The following MAML3 variants were observed in gnomAD, a reference collection of about 807,000 sequenced individuals.
MAML3 encodes the protein mastermind-like protein 3.
Under a neutral mutation model 101.9 loss-of-function variants are expected in MAML3, and 27 were observed. That is an observed-to-expected ratio of 0.27 (90% CI 0.20 to 0.37). MAML3 has a LOEUF of 0.37. MAML3 is among the 10% of genes least tolerant of loss of function. The pLI is 1.00. For synonymous variants in MAML3, 501 were observed against 555.9 expected, an observed-to-expected ratio of 0.90 and a Z score of 1.39; for missense variants, 1,316 against 1,444.9, an observed-to-expected ratio of 0.91 and a Z score of 1.45.
At chr4:139,860,718 A>G (rs912726725) in intron 2 of MAML3, among the ~76,000 whole-genome samples, 4 of 152,140 alleles carry the variant, frequency 2.6e-5, no homozygotes, top group Non-Finnish European at 5.9e-5. Context: ...GGATAAAGCT[A>G]TGTATACATA....
intron 2 of MAML3, among the ~76,000 whole-genome samples, chr4:139,814,212 A>T (rs190831888): frequency 6.6e-6 from 1 of 152,300 alleles, no homozygotes; most frequent in East Asian, 1.9e-4. Flanking sequence ...TAATCAAGAG[A>T]TAACTGCAGA....
intron 2 of MAML3, among the ~76,000 whole-genome samples, chr4:139,851,938 G>C (rs558898848): frequency 1.3e-5 from 2 of 152,146 alleles, no homozygotes; most frequent in Non-Finnish European, 2.9e-5. Flanking sequence ...AAGTTTGTAC[G>C]TGGTCTCTCT....
At chr4:140,083,967 C>CAGAG (rs72201205) in intron 1 of MAML3, among the ~76,000 whole-genome samples, 1 of 81,270 alleles carries the variant, frequency 1.2e-5, no homozygotes, top group African/African-American at 4.3e-5. Context: ...CACACACACA[C>CAGAG]AGAGAGAGAG....
intron 2 of MAML3, among the ~76,000 whole-genome samples, chr4:139,855,083 C>T (rs906009406): frequency 2.9e-4 from 44 of 152,208 alleles, no homozygotes; most frequent in African/African-American, 7.2e-4. Flanking sequence ...TCTGCATCTT[C>T]GGCTCCATCT....
chr4:139,940,357 A>G (rs142039458), intron 1 of MAML3, among the ~76,000 whole-genome samples: 2 of 152,174 alleles, frequency 1.3e-5, no homozygotes, highest in African/African-American at 4.8e-5. Context: ...ACACTATGTA[A>G]AGATTTAATA....
intron 1 of MAML3, among the ~76,000 whole-genome samples, chr4:140,017,902 T>A (rs80226518): frequency 0.019 from 2,900 of 152,098 alleles, 90 homozygotes; most frequent in African/African-American, 0.066. Flanking sequence ...TATAGTTTTT[T>A]AAAATATTAC....
chr4:139,829,519 G>A (rs1731125677), intron 2 of MAML3, among the ~76,000 whole-genome samples: 1 of 152,190 alleles, frequency 6.6e-6, no homozygotes, highest in South Asian at 2.1e-4. Flanking sequence ...ACATACCAAG[G>A]GGTCTGGATT....
In MAML3 at chr4:139,967,476, AC is replaced by A. The variant is rs1273116307; in HGVS notation, c.469-76510del. 9.9e-5 allele frequency among the ~76,000 whole-genome samples: 7 copies of A among 70,572 alleles called. No homozygotes were observed. In the East Asian group the frequency reaches 1.9e-3, roughly 19 times the overall value. The allele number at this position is 70,572 out of a possible 152,430, so 46.3% of individuals were successfully genotyped here. On this transcript the variant is annotated intron_variant, in intron 1 of 4. Transcript: ENST00000509479. ...TTAGTTTTCTTTTTAAGGGACACAC[AC>A]ACACACACACACACACACACACACA...
intron 1 of MAML3, among the ~76,000 whole-genome samples, chr4:139,934,464 C>A (rs1269615914): frequency 6.6e-6 from 1 of 152,008 alleles, no homozygotes; most frequent in Admixed American, 6.6e-5. Flanking sequence ...CAACCCTGAC[C>A]CGAGTTTTCA....
intron 1 of MAML3, among the ~76,000 whole-genome samples, chr4:139,949,927 G>GA (rs1733805171): frequency 6.6e-6 from 1 of 152,200 alleles, no homozygotes; most frequent in African/African-American, 2.4e-5. Context: ...CCAGTGAGTT[G>GA]AACACCTGAA....
chr4:139,720,185 G>A lies in MAML3; in HGVS notation c.2555C>T (p.Ala852Val), dbSNP rs552614931. 1.3e-5 allele frequency: 21 copies of A among 1,614,008 alleles called. No individual in the cohort carries two copies. Among genetic ancestry groups the A allele is most frequent in the Admixed American group, 3.3e-5 (2 of 60,032 alleles). ...AGGGGCCAGTCCCATCTCCGACTGC[G>A]CAGCTGCGGTGGCCATCGTCCCAGG... is the stretch of plus-strand genomic sequence containing the variant. ...QNPGTMATAA[A>V]QSEMGLAPYS... The change falls in exon 5 of 5, where the codon GCG becomes GTG. Residue 852 changes from alanine (A) to valine (V), a missense_variant. Ala to Val is a moderately conservative substitution (Grantham distance 64). Transcript: ENST00000509479.
chr4:139,739,040 C>A (rs1289164343), intron 2 of MAML3, among the ~76,000 whole-genome samples: 2 of 152,144 alleles, frequency 1.3e-5, no homozygotes, highest in Non-Finnish European at 2.9e-5. Flanking sequence ...CCTTTGGGAC[C>A]AAGACTATGA....
intron 1 of MAML3, among the ~76,000 whole-genome samples, chr4:139,967,856 C>T (rs763527600): frequency 5.3e-5 from 8 of 151,686 alleles, no homozygotes; most frequent in Non-Finnish European, 1.0e-4. Context: ...CCTCTGTTTC[C>T]CAACAGACAC....
intron 2 of MAML3, among the ~76,000 whole-genome samples, chr4:139,830,410 ATTT>A (rs1157293904): frequency 0.016 from 1,975 of 121,014 alleles, 5 homozygotes; most frequent in Middle Eastern, 0.057. Context: ...ACGCTGTGCT[ATTT>A]TTTTTTTTTT....
intron 1 of MAML3, among the ~76,000 whole-genome samples, chr4:139,974,194 C>T (rs1183616489): frequency 1.3e-5 from 2 of 151,358 alleles, no homozygotes; most frequent in African/African-American, 2.4e-5. Flanking sequence ...CAAGCTCCGC[C>T]TCCCGGGTTC....
Position 139,885,932 on chromosome 4 carries a change from CAAA to C in MAML3, c.2079+3422_2079+3424del, listed in dbSNP as rs1182443191. On this transcript the variant is annotated intron_variant, in intron 2 of 4. Coordinates refer to ENST00000509479, the MANE Select transcript of MAML3 (RefSeq NM_018717.5). ...TGGGCGACAGGGCAAGACTCCGTCT[CAAA>C]AAAAAAAAAAAAAAAAAAAAAAGAA... Among the ~76,000 whole-genome samples, 22 of 20,300 alleles carry C rather than the reference CAAA, an allele frequency of 1.1e-3. No homozygotes were observed. The South Asian group carries it at 0.059, about 55-fold the overall frequency. 13.3% of individuals were successfully genotyped at this position (20,300 alleles called of 152,430 possible). A position where few individuals can be genotyped will look rare whatever the true frequency, so the allele number is the denominator to read the frequency against.
chr4:139,908,433 C>T (rs1732858162), intron 1 of MAML3, among the ~76,000 whole-genome samples: 1 of 152,108 alleles, frequency 6.6e-6, no homozygotes, highest in Admixed American at 6.5e-5. Context: ...TAAAAGCTTA[C>T]TGTGTAAAAG....
chr4:139,838,774 A>T (rs1026029487), intron 2 of MAML3, among the ~76,000 whole-genome samples: 3 of 152,038 alleles, frequency 2.0e-5, no homozygotes, highest in Non-Finnish European at 4.4e-5. Context: ...AAAAACTTTT[A>T]TTATTATTAT....
Position 139,853,823 on chromosome 4 carries a change from AT to A in MAML3, c.2079+35533del, listed in dbSNP as rs34509574. 1.4e-3 allele frequency among the ~76,000 whole-genome samples: 141 copies of A among 99,580 alleles called. 1 individual carries two copies. Among genetic ancestry groups the A allele is most frequent in the African/African-American group, 3.7e-3 (88 of 23,896 alleles). The allele number at this position is 99,580 out of a possible 152,430, so 65.3% of individuals were successfully genotyped here. ...AGACCTTGGATAAATTTTTTATTTT[AT>A]TTTTATTTTTTTTTTGAGATGGGGT... On this transcript the variant is annotated intron_variant, in intron 2 of 4. Coordinates refer to ENST00000509479, the MANE Select transcript of MAML3 (RefSeq NM_018717.5).
Sources: allele counts gnomAD v4.1 joint callset (sites outside exome capture counted in the v4.1 genomes callset), GRCh38; gene constraint gnomAD v4.1.1; transcripts MANE v1.5; gene names NCBI Gene and HGNC (gene_info 2026-07-23, HGNC 2026-07-21).